CLDN10: variants seen among roughly 807,000 people sequenced by gnomAD.
The protein encoded by CLDN10 is claudin 10.
Under a neutral mutation model 22.9 loss-of-function variants are expected in CLDN10, and 15 were observed. The ratio of observed to expected loss-of-function variants is 0.65; its 90% confidence interval spans 0.44 to 1.01. CLDN10 has a LOEUF of 1.01. Among genes scored for constraint, CLDN10 ranks in the 50% least tolerant of loss-of-function variants. The pLI, the probability that CLDN10 is intolerant of heterozygous loss-of-function variation, is 0.00. For synonymous variants in CLDN10, 114 were observed against 111.4 expected, an observed-to-expected ratio of 1.02 and a Z score of -0.15; for missense variants, 247 against 287.8, an observed-to-expected ratio of 0.86 and a Z score of 1.03.
intron 1 of CLDN10, among the ~76,000 whole-genome samples, chr13:95,473,042 A>T (rs1221782190): frequency 6.7e-6 from 1 of 150,116 alleles, no homozygotes; most frequent in Non-Finnish European, 1.5e-5. Context: ...CAACAGGCTG[A>T]GGTAGAAGGA....
chr13:95,506,853 A>G (rs866335136), intron 1 of CLDN10, among the ~76,000 whole-genome samples: 1 of 152,130 alleles, frequency 6.6e-6, no homozygotes, highest in Admixed American at 6.5e-5. Context: ...TCTTTTGCCC[A>G]GTTCAGCACT....
At chr13:95,486,782 C>T (rs1049269613) in intron 1 of CLDN10, among the ~76,000 whole-genome samples, 1 of 152,138 alleles carries the variant, frequency 6.6e-6, no homozygotes, top group Non-Finnish European at 1.5e-5. Flanking sequence ...CTCAGTTGTG[C>T]ATGTGCCTCC....
intron 1 of CLDN10, among the ~76,000 whole-genome samples, chr13:95,453,807 T>A (rs1474561099): frequency 6.6e-6 from 1 of 151,978 alleles, no homozygotes; most frequent in Non-Finnish European, 1.5e-5. Flanking sequence ...GTGTATGAGC[T>A]CTTCCCACTT....
chr13:95,578,088 C>A lies in CLDN10; in HGVS notation c.*74C>A. 2 of 769,800 alleles carry A rather than the reference C, an allele frequency of 2.6e-6. No individual in the cohort carries two copies. Among genetic ancestry groups the A allele is most frequent in the Non-Finnish European group, 4.3e-6 (2 of 463,178 alleles). 47.7% of individuals were successfully genotyped at this position (769,800 alleles called of 1,614,324 possible). On this transcript the variant is annotated 3_prime_UTR_variant, in exon 5 of 5. Transcript: ENST00000299339. ...GTTCACAAAATGATCCCATCAAGGC[C>A]CTCCCATAATTAACACTCAAAACTA... is the stretch of plus-strand genomic sequence containing the variant.
intron 1 of CLDN10, among the ~76,000 whole-genome samples, chr13:95,540,076 G>C (rs1216794247): frequency 1.3e-5 from 2 of 152,124 alleles, no homozygotes; most frequent in African/African-American, 2.4e-5. Context: ...GAGGTGGGTG[G>C]ATCACCTGAG....
intron 1 of CLDN10, among the ~76,000 whole-genome samples, chr13:95,512,492 A>G (rs1159950673): frequency 2.6e-5 from 4 of 152,120 alleles, no homozygotes; most frequent in African/African-American, 7.2e-5. Flanking sequence ...CTAGGAAGGG[A>G]GAGATTGGAG....
chr13:95,458,488 T>G (rs1157410046), intron 1 of CLDN10, among the ~76,000 whole-genome samples: 3 of 152,158 alleles, frequency 2.0e-5, no homozygotes, highest in Admixed American at 6.6e-5. Context: ...TGGTGGAAGG[T>G]GAAGGGGAAG....
intron 1 of CLDN10, among the ~76,000 whole-genome samples, chr13:95,494,840 G>A (rs555587378): frequency 1.3e-3 from 195 of 152,096 alleles, no homozygotes; most frequent in African/African-American, 4.4e-3. Flanking sequence ...AAACCTCATC[G>A]TAAGATCACA....
At chr13:95,481,019 G>C (rs947680715) in intron 1 of CLDN10, among the ~76,000 whole-genome samples, 1 of 152,054 alleles carries the variant, frequency 6.6e-6, no homozygotes, top group Non-Finnish European at 1.5e-5. Flanking sequence ...TGCTTCTTGA[G>C]CAAGAGGACA....
intron 1 of CLDN10, among the ~76,000 whole-genome samples, chr13:95,455,956 A>T (rs574431584): frequency 2.6e-4 from 39 of 152,344 alleles, no homozygotes; most frequent in African/African-American, 9.4e-4. Context: ...AACATCCTGC[A>T]ATTTTAATTT....
intron 3 of CLDN10, among the ~76,000 whole-genome samples, chr13:95,567,113 T>A (rs2043797423): frequency 6.6e-6 from 1 of 152,326 alleles, no homozygotes; most frequent in Middle Eastern, 3.4e-3. Context: ...GGCTCTCTTT[T>A]GGTTTCATAT....
At chr13:95,512,141 TG>T (rs2043109787) in intron 1 of CLDN10, among the ~76,000 whole-genome samples, 1 of 124,164 alleles carries the variant, frequency 8.1e-6, no homozygotes, top group African/African-American at 3.1e-5. Context: ...GGTTTTTGTT[TG>T]TTTGTGTTCT....
chr13:95,558,572 C>T (rs1228482605), intron 1 of CLDN10, among the ~76,000 whole-genome samples: 2 of 152,146 alleles, frequency 1.3e-5, no homozygotes, highest in Non-Finnish European at 2.9e-5. Context: ...CTCCTGTTTG[C>T]TCTTCAAAAA....
chr13:95,441,722 T>C (rs2042326222), intron 1 of CLDN10, among the ~76,000 whole-genome samples: 1 of 152,208 alleles, frequency 6.6e-6, no homozygotes, highest in South Asian at 2.1e-4. Flanking sequence ...GCTCTCCAGG[T>C]GTCTTCTATG....
chr13:95,525,474 CAAAT>C (rs1566317246), intron 1 of CLDN10, among the ~76,000 whole-genome samples: 1 of 151,850 alleles, frequency 6.6e-6, no homozygotes, highest in African/African-American at 2.4e-5. Flanking sequence ...AAGTGAGTAA[CAAAT>C]AAATCTTCAT....
At chr13:95,577,410 T>C (rs2043950249) in intron 4 of CLDN10, 72 bp downstream of exon 4, 1 of 955,148 alleles carries the variant, frequency 1.0e-6, no homozygotes, top group Non-Finnish European at 1.7e-6. Flanking sequence ...GTGGAACAAA[T>C]TACAGATAGT....
At chr13:95,561,904 A>G (rs2043718194) in intron 3 of CLDN10, among the ~76,000 whole-genome samples, 1 of 150,634 alleles carries the variant, frequency 6.6e-6, no homozygotes, top group Non-Finnish European at 1.5e-5. Flanking sequence ...TAGCTGGGAC[A>G]TATATGTGCC....
At chr13:95,436,205 A>G (rs2042269840) in intron 1 of CLDN10, among the ~76,000 whole-genome samples, 1 of 152,066 alleles carries the variant, frequency 6.6e-6, no homozygotes, top group Non-Finnish European at 1.5e-5. Flanking sequence ...TGTTTTTGAG[A>G]CAGAACCTTG....
At chr13:95,554,105 G>C (rs1273833230) in intron 1 of CLDN10, among the ~76,000 whole-genome samples, 2 of 152,170 alleles carry the variant, frequency 1.3e-5, no homozygotes, top group African/African-American at 4.8e-5. Context: ...GTATTTGATG[G>C]AACCTCCGTA....
Sources: allele counts gnomAD v4.1 joint callset (sites outside exome capture counted in the v4.1 genomes callset), GRCh38; gene constraint gnomAD v4.1.1; transcripts MANE v1.5; gene names NCBI Gene and HGNC (gene_info 2026-07-23, HGNC 2026-07-21).